Variants in FNDC7 observed in about 807,000 individuals in gnomAD.
FNDC7 encodes the protein fibronectin type III domain-containing protein 7.
A neutral mutation model predicts 74.2 loss-of-function variants in FNDC7; 66 were observed. That is an observed-to-expected ratio of 0.89 (90% CI 0.73 to 1.09). FNDC7 has a LOEUF of 1.09. FNDC7 is among the 50% of genes least tolerant of loss of function. The pLI is 0.00. For missense variants in FNDC7, 829 were observed against 893.4 expected (o/e 0.93, Z 0.92); for synonymous variants, 307 against 330.2 (o/e 0.93, Z 0.76).
chr1:108,738,110 C>A (rs1476257382), intron 11 of FNDC7, among the ~76,000 whole-genome samples: 3 of 152,172 alleles, frequency 2.0e-5, no homozygotes, highest in African/African-American at 7.2e-5. Context: ...TCCATAAGGT[C>A]CAGGTGATGC....
At chr1:108,729,072 C>T (rs1394254507) in intron 8 of FNDC7, among the ~76,000 whole-genome samples, 186 bp downstream of exon 8, 1 of 152,190 alleles carries the variant, frequency 6.6e-6, no homozygotes, top group Non-Finnish European at 1.5e-5. Context: ...GTAAAAATAT[C>T]CTCAAGACTA....
chr1:108,718,650 T>G (rs1661028279), intron 3 of FNDC7, 139 bp from the exon 4 acceptor site: 1 of 901,416 alleles, frequency 1.1e-6, no homozygotes, highest in Non-Finnish European at 1.6e-6. Context: ...TAGCAATTAT[T>G]TAATGAAACT....
chr1:108,717,013 A>G (rs1305303682), intron 2 of FNDC7, among the ~76,000 whole-genome samples: 1 of 152,214 alleles, frequency 6.6e-6, no homozygotes, highest in Non-Finnish European at 1.5e-5. Context: ...TCCTGAGTGT[A>G]GGAATGCTTT....
At chr1:108,736,960 A>ATTTTT (rs1173717917) in intron 10 of FNDC7, among the ~76,000 whole-genome samples, 3 of 98,824 alleles carry the variant, frequency 3.0e-5, no homozygotes, top group Non-Finnish European at 6.9e-5. Context: ...TCAGCTTGGC[A>ATTTTT]TTCTTTTTTT....
At chr1:108,715,118 T>C (rs1346527317) in intron 2 of FNDC7, among the ~76,000 whole-genome samples, 1 of 152,156 alleles carries the variant, frequency 6.6e-6, no homozygotes, top group Admixed American at 6.5e-5. Context: ...ATAGAATGTG[T>C]TTTAGCTACA....
intron 5 of FNDC7, among the ~76,000 whole-genome samples, chr1:108,724,975 G>A (rs1661176272): frequency 6.6e-6 from 1 of 151,608 alleles, no homozygotes; most frequent in Non-Finnish European, 1.5e-5. Flanking sequence ...CAGATGCTTG[G>A]GAGGTTGAGG....
At position 108,722,488 on chromosome 1, in the gene FNDC7, G is replaced by A. The variant is rs1661115815; in HGVS notation, c.752G>A (p.Cys251Tyr). 1 of 1,614,100 alleles carries A rather than the reference G, an allele frequency of 6.2e-7. No individual in the cohort carries two copies. Among genetic ancestry groups the A allele is most frequent in the Non-Finnish European group, 8.5e-7 (1 of 1,180,050 alleles). ...ELTCSTTFSS[C>Y]TISSLQCGTE... ...ACCTGCAGTACAACTTTCAGTTCCT[G>A]CACCATCTCTTCCCTCCAGTGTGGA... Residue 251 changes from cysteine to tyrosine, a missense_variant, in exon 5 of 13, where the codon TGC (cysteine) becomes TAC (tyrosine). Cys to Tyr is a radical substitution (Grantham distance 194). Transcript: ENST00000370017.
At chr1:108,719,849 G>T (rs899184572) in intron 4 of FNDC7, among the ~76,000 whole-genome samples, 1 of 152,042 alleles carries the variant, frequency 6.6e-6, no homozygotes, top group Non-Finnish European at 1.5e-5. Flanking sequence ...TACATAGATA[G>T]GAGACTCTCA....
At chr1:108,729,170 T>TATC (rs1661286713) in intron 8 of FNDC7, among the ~76,000 whole-genome samples, 1 of 152,252 alleles carries the variant, frequency 6.6e-6, no homozygotes, top group Non-Finnish European at 1.5e-5. Context: ...TGATATAATC[T>TATC]ATCGAAACAG....
At chr1:108,724,066 C>T (rs1038451290) in intron 5 of FNDC7, among the ~76,000 whole-genome samples, 10 of 152,098 alleles carry the variant, frequency 6.6e-5, no homozygotes, top group East Asian at 3.8e-4. Context: ...TAATATATTT[C>T]GGGAAGATTT....
chr1:108,730,842 C>T lies in FNDC7; in HGVS notation c.1793C>T (p.Thr598Ile). 1 of 1,614,102 alleles carries T rather than the reference C, an allele frequency of 6.2e-7. No individual in the cohort carries two copies. The highest frequency in any genetic ancestry group is 8.5e-7 in the Non-Finnish European group (1 of 1,179,958). The part of the protein sequence containing the change: ...HQNHCLLGCI[T>I]CGINYTVTLK... Reference sequence around the variant, plus strand: ...AACCACTGCCTCCTAGGATGCATCACATGTGGCATCAATTACACAGTGACA... The same window carrying T: ...AACCACTGCCTCCTAGGATGCATCATATGTGGCATCAATTACACAGTGACA... The change falls in exon 9 of 13, where the codon ACA becomes ATA. Residue 598 changes from threonine (T) to isoleucine (I), a missense_variant. Thr to Ile is a moderately conservative substitution (Grantham distance 89). Transcript: ENST00000370017.
chr1:108,741,723 T>G (rs368732392), intron 11 of FNDC7, 50 bp from the exon 12 acceptor site: 1 of 1,580,312 alleles, frequency 6.3e-7, no homozygotes, highest in East Asian at 2.2e-5. Flanking sequence ...TAAGAAAATG[T>G]CTGCATATTG....
At chr1:108,733,643 T>A in intron 10 of FNDC7, 111 bp downstream of exon 10, 1 of 1,072,406 alleles carries the variant, frequency 9.3e-7, no homozygotes, top group Non-Finnish European at 1.3e-6. Context: ...GGTATAAAAT[T>A]TCTTTCTTTT....
At position 108,718,779 on chromosome 1, in the gene FNDC7, A is replaced by T. The variant is rs1175319042; in HGVS notation, c.338-10A>T. 5 of 1,548,918 alleles carry T rather than the reference A, an allele frequency of 3.2e-6. No homozygotes were observed. Among genetic ancestry groups the T allele is most frequent in the Non-Finnish European group, 4.4e-6 (5 of 1,144,958 alleles). On this transcript the variant is annotated splice_polypyrimidine_tract_variant and intron_variant, in intron 3 of 12. Transcript: ENST00000370017. ...TGGTAACACAAATGCATGTGTTTTT[A>T]TTTTTTTAGTGTTGGCTGCACCAAT...
In FNDC7 at chr1:108,739,473, G is replaced by T. The variant is rs142829844; in HGVS notation, c.2170+1949G>T. On this transcript the variant is annotated intron_variant, in intron 11 of 12. Coordinates refer to ENST00000370017, the MANE Select transcript of FNDC7 (RefSeq NM_001144937.3). ...CAGTGAGCTATGATAGCACCACTGC[G>T]CTCCAGCCTGGGTGACAGAGTGAGA... Among the ~76,000 whole-genome samples, 1,106 of 152,232 alleles carry T rather than the reference G, an allele frequency of 7.3e-3. 10 individuals carry two copies. The highest frequency in any genetic ancestry group is 0.022 in the African/African-American group (896 of 41,546).
At chr1:108,720,561 C>T (rs751917958) in intron 4 of FNDC7, among the ~76,000 whole-genome samples, 3 of 152,212 alleles carry the variant, frequency 2.0e-5, no homozygotes, top group Non-Finnish European at 2.9e-5. Flanking sequence ...GCTGGAACCA[C>T]AAACTGGGTG....
intron 9 of FNDC7, among the ~76,000 whole-genome samples, 189 bp downstream of exon 9, chr1:108,731,117 G>C (rs1661335107): frequency 6.6e-6 from 1 of 152,170 alleles, no homozygotes. Context: ...GCTTCTGTTG[G>C]TAGTTGGTGA....
chr1:108,726,909 C>A (rs573659671), intron 6 of FNDC7, among the ~76,000 whole-genome samples: 1 of 152,184 alleles, frequency 6.6e-6, no homozygotes, highest in African/African-American at 2.4e-5. Context: ...GAGGGCCCTC[C>A]AGAGTGGCCT....
In FNDC7 at chr1:108,719,180, A is replaced by T. The variant is rs376684358; in HGVS notation, c.598+131A>T. On this transcript the variant is annotated intron_variant, in intron 4 of 12. Coordinates refer to ENST00000370017, the MANE Select transcript of FNDC7 (RefSeq NM_001144937.3). ...CTGGCAACAGCTATTTAAATTTATT[A>T]TAAAGTTATTTATAGTGCCTTGTCT... 102 of 1,031,068 alleles carry T rather than the reference A, an allele frequency of 9.9e-5. No homozygotes were observed. In the East Asian group the frequency reaches 1.2e-3, roughly 12 times the overall value. 63.9% of individuals were successfully genotyped at this position (1,031,068 alleles called of 1,614,324 possible). A position where few individuals can be genotyped will look rare whatever the true frequency, so the allele number is the denominator to read the frequency against.
Sources: allele counts gnomAD v4.1 joint callset (sites outside exome capture counted in the v4.1 genomes callset), GRCh38; gene constraint gnomAD v4.1.1; transcripts MANE v1.5; gene names NCBI Gene and HGNC (gene_info 2026-07-23, HGNC 2026-07-21).